Variants in SORCS1 observed in about 807,000 individuals in gnomAD.
SORCS1 encodes VPS10 domain-containing receptor SorCS1.
In SORCS1, 60 loss-of-function variants were observed where a neutral mutation model predicts 146.1. The ratio of observed to expected loss-of-function variants is 0.41; its 90% confidence interval spans 0.33 to 0.51. SORCS1 has a LOEUF of 0.51. SORCS1 is among the 20% of genes least tolerant of loss of function. The pLI is 0.21. For synonymous variants in SORCS1, 637 were observed against 584.0 expected, an observed-to-expected ratio of 1.09 and a Z score of -1.31; for missense variants, 1,352 against 1,487.6, an observed-to-expected ratio of 0.91 and a Z score of 1.50.
chr10:106,725,437 G>A (rs1311355224), intron 6 of SORCS1, among the ~76,000 whole-genome samples: 1 of 151,780 alleles, frequency 6.6e-6, no homozygotes. Context: ...TATAATCCCA[G>A]CTACTCAGGA....
intron 1 of SORCS1, among the ~76,000 whole-genome samples, chr10:106,996,562 G>A (rs1957015167): frequency 6.6e-6 from 1 of 152,060 alleles, no homozygotes; most frequent in East Asian, 1.9e-4. Flanking sequence ...ACACATGAAA[G>A]TCAAATGCAC....
chr10:106,935,799 A>G (rs1953682100), intron 2 of SORCS1, among the ~76,000 whole-genome samples: 1 of 152,242 alleles, frequency 6.6e-6, no homozygotes, highest in South Asian at 2.1e-4. Flanking sequence ...CACAGAACAT[A>G]CTATTTACTT....
chr10:107,011,598 T>C (rs1957698187), intron 1 of SORCS1, among the ~76,000 whole-genome samples: 1 of 152,226 alleles, frequency 6.6e-6, no homozygotes, highest in Non-Finnish European at 1.5e-5. Flanking sequence ...CCTTGCAGAA[T>C]TCCAATGCTC....
In SORCS1 at chr10:106,699,256, G is replaced by T. The variant is rs749758505; in HGVS notation, c.1371C>A (p.Ser457Arg). 1.9e-5 allele frequency: 31 copies of T among 1,613,828 alleles called. No homozygotes were observed. Among genetic ancestry groups the T allele is most frequent in the Non-Finnish European group, 2.5e-5 (30 of 1,179,866 alleles). ...TGATGTTGCCCTCAGGGCCTCTGCT[G>T]CTCTGGACATTCTCCAAGGCCAGGG... ...YFTLALENVQ[S>R]SRGPEGNIMI... The change falls in exon 9 of 26, where the codon AGC becomes AGA. Residue 457 changes from serine to arginine, a missense_variant. Around this residue, in one of 3 missense-constraint regions of SORCS1, gnomAD observed 648 missense variants for 793.8 expected, o/e 0.82. Coordinates refer to ENST00000263054, the MANE Select transcript of SORCS1 (RefSeq NM_052918.5).
intron 18 of SORCS1, among the ~76,000 whole-genome samples, chr10:106,643,747 C>G (rs1164415307): frequency 6.6e-6 from 1 of 152,246 alleles, no homozygotes; most frequent in African/African-American, 2.4e-5. Flanking sequence ...TCACTCAACC[C>G]AGTGTGAGAT....
At chr10:106,609,736 G>A (rs1360400002) in intron 22 of SORCS1, among the ~76,000 whole-genome samples, 1 of 152,216 alleles carries the variant, frequency 6.6e-6, no homozygotes, top group Non-Finnish European at 1.5e-5. Flanking sequence ...TAGAAATCCT[G>A]ATGAGCAGTA....
At chr10:106,700,021 C>T (rs1854017641) in intron 8 of SORCS1, among the ~76,000 whole-genome samples, 2 of 152,152 alleles carry the variant, frequency 1.3e-5, no homozygotes, top group Admixed American at 6.5e-5. Flanking sequence ...AAACATTCAC[C>T]AGAGAAACCC....
intron 8 of SORCS1, among the ~76,000 whole-genome samples, chr10:106,702,355 T>G (rs1025403900): frequency 6.6e-6 from 1 of 152,234 alleles, no homozygotes; most frequent in Admixed American, 6.5e-5. Context: ...GACCCCCGCA[T>G]AGCTAATTCC....
intron 1 of SORCS1, among the ~76,000 whole-genome samples, chr10:107,111,647 C>T (rs926026264): frequency 1.1e-4 from 17 of 152,064 alleles, no homozygotes; most frequent in Non-Finnish European, 2.9e-5. Flanking sequence ...GAGTAAGAGA[C>T]AGAGAATTAT....
At chr10:107,148,517 T>A (rs1181074301) in intron 1 of SORCS1, among the ~76,000 whole-genome samples, 1 of 152,182 alleles carries the variant, frequency 6.6e-6, no homozygotes, top group Non-Finnish European at 1.5e-5. Context: ...AAAAAACAGG[T>A]GGTAGGACAG....
chr10:107,091,697 C>A (rs1406269964), intron 1 of SORCS1, among the ~76,000 whole-genome samples: 1 of 152,156 alleles, frequency 6.6e-6, no homozygotes, highest in African/African-American at 2.4e-5. Flanking sequence ...ACCTGAGAGT[C>A]CCTTCAAGAT....
rs182119455 is a variant in SORCS1, at chr10:106,709,511, C to T, written c.1025-170G>A. On this transcript the variant is annotated intron_variant, in intron 6 of 25. Transcript: ENST00000263054. ...TCGCCCAGGCTGGAGTGCAGTGGTG[C>T]GATCTCGGCTCACTGCAAGCTCCGC... is the stretch of plus-strand genomic sequence containing the variant. Among the ~76,000 whole-genome samples, 781 of 138,518 alleles carry T rather than the reference C, an allele frequency of 5.6e-3. 9 individuals are homozygous for T. The highest frequency in any genetic ancestry group is 0.021 in the African/African-American group (754 of 36,654). The allele number at this position is 138,518 out of a possible 152,430, so 90.9% of individuals were successfully genotyped here. A position where few individuals can be genotyped will look rare whatever the true frequency, so the allele number is the denominator to read the frequency against.
chr10:106,766,578 C>A (rs1355459380), intron 4 of SORCS1, among the ~76,000 whole-genome samples: 1 of 152,128 alleles, frequency 6.6e-6, no homozygotes, highest in Non-Finnish European at 1.5e-5. Context: ...CAAAGGGGAA[C>A]CAAAATCTAC....
chr10:107,129,294 A>T (rs1966845902), intron 1 of SORCS1, among the ~76,000 whole-genome samples: 1 of 152,242 alleles, frequency 6.6e-6, no homozygotes, highest in Non-Finnish European at 1.5e-5. Flanking sequence ...TTTGTTCAAA[A>T]ATAAATTTAA....
chr10:107,170,526 A>G, the SORCS1 span, among the ~76,000 whole-genome samples: 495 of 152,328 alleles, frequency 3.2e-3, 3 homozygotes, highest in African/African-American at 0.011. Context: ...AGGTTAATAT[A>G]AAGCCCAATT....
At chr10:106,622,813 C>G (rs1473257976) in intron 19 of SORCS1, among the ~76,000 whole-genome samples, 1 of 152,186 alleles carries the variant, frequency 6.6e-6, no homozygotes, top group African/African-American at 2.4e-5. Context: ...CCAGGTCATA[C>G]AGCTAGGAAA....
chr10:106,620,590 G>C, intron 19 of SORCS1, 29 bp from the exon 20 acceptor site: 1 of 1,609,130 alleles, frequency 6.2e-7, no homozygotes, highest in Non-Finnish European at 8.5e-7. Context: ...AGAGGCCATG[G>C]ATGGGGAAGA....
chr10:106,639,552 C>T (rs10786962), intron 18 of SORCS1, among the ~76,000 whole-genome samples: 149,015 of 152,312 alleles, frequency 0.98, 72,972 homozygotes, highest in East Asian at 1. Flanking sequence ...ATTAGGCTTC[C>T]GGCTAAAGAC....
At chr10:106,877,545 C>A (rs1950636811) in intron 2 of SORCS1, among the ~76,000 whole-genome samples, 1 of 151,968 alleles carries the variant, frequency 6.6e-6, no homozygotes, top group Non-Finnish European at 1.5e-5. Context: ...CAGAACAAAA[C>A]AAAAAACTGA....
Sources: allele counts gnomAD v4.1 joint callset (sites outside exome capture counted in the v4.1 genomes callset), GRCh38; gene constraint gnomAD v4.1.1; regional missense constraint gnomAD v4.1.1; transcripts MANE v1.5; gene names NCBI Gene and HGNC (gene_info 2026-07-23, HGNC 2026-07-21).